ABHD17B: variants seen among roughly 807,000 people sequenced by gnomAD.
ABHD17B encodes the protein abhydrolase domain containing 17B, depalmitoylase, also known as alpha/beta hydrolase domain-containing protein 17B.
Under a neutral mutation model 26.2 loss-of-function variants are expected in ABHD17B, and 9 were observed. The ratio of observed to expected loss-of-function variants is 0.34; its 90% confidence interval spans 0.21 to 0.60. The LOEUF (loss-of-function observed/expected upper bound fraction) is 0.60, where lower values mean the gene tolerates loss of function less well. Among genes scored for constraint, ABHD17B ranks in the 20% least tolerant of loss-of-function variants. The pLI, the probability that ABHD17B is intolerant of heterozygous loss-of-function variation, is 0.80. For synonymous variants in ABHD17B, 127 were observed against 122.3 expected (o/e 1.04, Z -0.25); for missense variants, 224 against 352.1 (o/e 0.64, Z 2.91).
At chr9:71,875,251 G>A (rs538390442) in intron 1 of ABHD17B, among the ~76,000 whole-genome samples, 168 bp from the exon 2 acceptor site, 1 of 147,606 alleles carries the variant, frequency 6.8e-6, no homozygotes, top group African/African-American at 2.5e-5. Context: ...TTGAGACGGA[G>A]TTTCACTCTT....
At chr9:71,905,238 T>G (rs1827251071) in intron 1 of ABHD17B, among the ~76,000 whole-genome samples, 1 of 152,008 alleles carries the variant, frequency 6.6e-6, no homozygotes, top group Non-Finnish European at 1.5e-5. Context: ...TTCTCCTGTC[T>G]CAGCCTCCTG....
At chr9:71,895,865 A>C (rs1826937595) in intron 1 of ABHD17B, among the ~76,000 whole-genome samples, 2 of 152,170 alleles carry the variant, frequency 1.3e-5, no homozygotes, top group African/African-American at 4.8e-5. Flanking sequence ...ATGCAACAGG[A>C]CTATTTAGAG....
intron 2 of ABHD17B, among the ~76,000 whole-genome samples, chr9:71,870,706 T>C (rs1826086511): frequency 6.6e-6 from 1 of 152,198 alleles, no homozygotes; most frequent in Non-Finnish European, 1.5e-5. Flanking sequence ...ATTTCCAAAA[T>C]TGGTCATATT....
intron 1 of ABHD17B, among the ~76,000 whole-genome samples, chr9:71,878,177 G>A (rs991067844): frequency 2.0e-5 from 3 of 151,588 alleles, no homozygotes; most frequent in Non-Finnish European, 4.4e-5. Context: ...GTTAAACTTA[G>A]ATAATTTCAA....
At chr9:71,868,460 G>A (rs1033679307) in intron 3 of ABHD17B, among the ~76,000 whole-genome samples, 1 of 152,066 alleles carries the variant, frequency 6.6e-6, no homozygotes, top group Non-Finnish European at 1.5e-5. Flanking sequence ...GGAGGACACA[G>A]AAACTACACA....
intron 2 of ABHD17B, among the ~76,000 whole-genome samples, chr9:71,872,650 TAA>T (rs1826146751): frequency 6.6e-6 from 1 of 152,164 alleles, no homozygotes; most frequent in South Asian, 2.1e-4. Context: ...TATCACTCAA[TAA>T]AGCTATTTTT....
chr9:71,898,159 T>G (rs1186507942), intron 1 of ABHD17B, among the ~76,000 whole-genome samples: 2 of 152,152 alleles, frequency 1.3e-5, no homozygotes, highest in Non-Finnish European at 2.9e-5. Context: ...GTGGAGTAGA[T>G]TTTAAGCTTT....
At chr9:71,890,898 G>A (rs1826761403) in intron 1 of ABHD17B, among the ~76,000 whole-genome samples, 1 of 152,012 alleles carries the variant, frequency 6.6e-6, no homozygotes, top group Non-Finnish European at 1.5e-5. Flanking sequence ...TTATGTTCTG[G>A]GTTAGTTCAC....
In ABHD17B at chr9:71,866,174, G is replaced by C; in HGVS notation, c.*613C>G. ...AAGGTAACTCATTGGTAAATTAATA[G>C]ATGGCATAAAAATTAAGATTTACAT... On this transcript the variant is annotated 3_prime_UTR_variant, in exon 4 of 4. Transcript: ENST00000333421. 1.0e-6 allele frequency: 1 copy of C among 983,430 alleles called. No homozygotes were observed. Among genetic ancestry groups the C allele is most frequent in the Non-Finnish European group, 1.2e-6 (1 of 827,782 alleles). 60.9% of individuals were successfully genotyped at this position (983,430 alleles called of 1,614,324 possible).
At position 71,866,059 on chromosome 9, in the gene ABHD17B, A is replaced by G; in HGVS notation, c.*728T>C. ...ATCTCTAAATGCCTTTTAAGTAACC[A>G]GCATGAAAATTTTAAGTACTTGCCT... On this transcript the variant is annotated 3_prime_UTR_variant, in exon 4 of 4. Transcript: ENST00000333421. 1 of 985,522 alleles carries G rather than the reference A, an allele frequency of 1.0e-6. No homozygotes were observed. 61.0% of individuals were successfully genotyped at this position (985,522 alleles called of 1,614,324 possible). A position where few individuals can be genotyped will look rare whatever the true frequency, so the allele number is the denominator to read the frequency against.
intron 1 of ABHD17B, among the ~76,000 whole-genome samples, chr9:71,903,983 A>C (rs1193180613): frequency 6.6e-6 from 1 of 152,194 alleles, no homozygotes; most frequent in East Asian, 1.9e-4. Context: ...AAAGGTGGAG[A>C]GAGCCAGGAA....
intron 1 of ABHD17B, among the ~76,000 whole-genome samples, chr9:71,875,288 C>T (rs565611765): frequency 9.3e-5 from 14 of 150,940 alleles, no homozygotes; most frequent in South Asian, 6.3e-4. Context: ...TGCAATGGCG[C>T]AATCTCAGCT....
At chr9:71,864,364 C>T (rs563171767), downstream of ABHD17B, among the ~76,000 whole-genome samples, 172 of 151,836 alleles carry the variant, frequency 1.1e-3, no homozygotes, top group African/African-American at 3.9e-3. Context: ...GGACTACAGG[C>T]GCGTGCCACC....
At chr9:71,868,949 A>G (rs2132124334) in intron 3 of ABHD17B, among the ~76,000 whole-genome samples, 1 of 152,296 alleles carries the variant, frequency 6.6e-6, no homozygotes, top group Middle Eastern at 3.4e-3. Flanking sequence ...ACGGCCTCCA[A>G]AAGTGCTGGG....
At chr9:71,890,058 T>C (rs1826737457) in intron 1 of ABHD17B, among the ~76,000 whole-genome samples, 1 of 151,932 alleles carries the variant, frequency 6.6e-6, no homozygotes. Flanking sequence ...GTCAGGAGTT[T>C]CAAGACCAGC....
At position 71,866,009 on chromosome 9, in the gene ABHD17B, C is replaced by T. The variant is rs1825947843; in HGVS notation, c.*778G>A. On this transcript the variant is annotated 3_prime_UTR_variant, in exon 4 of 4. Coordinates refer to ENST00000333421, the MANE Select transcript of ABHD17B (RefSeq NM_001025780.3). ...CTATGAGATCAGTCAAAATTTAAAACATCGTATACAAAATCATTCTTGAAA... is the reference window on the plus strand; with the variant it reads ...CTATGAGATCAGTCAAAATTTAAAATATCGTATACAAAATCATTCTTGAAA... The T allele has an allele frequency of 1.0e-6, 1 of 985,222 alleles. No individual in the cohort carries two copies. Among genetic ancestry groups the T allele is most frequent in the African/African-American group, 1.7e-5 (1 of 57,222 alleles). 61.0% of individuals were successfully genotyped at this position (985,222 alleles called of 1,614,324 possible). A position where few individuals can be genotyped will look rare whatever the true frequency, so the allele number is the denominator to read the frequency against.
chr9:71,896,803 T>C lies in ABHD17B; in HGVS notation c.-4+13831A>G, dbSNP rs529796402. Reference sequence around the variant, plus strand: ...AAAGGGAAAATGGGATAAATGGACATAGAGAAAATTGATTAAACCCCTGTA... The same window carrying C: ...AAAGGGAAAATGGGATAAATGGACACAGAGAAAATTGATTAAACCCCTGTA... On this transcript the variant is annotated intron_variant, in intron 1 of 3. Transcript: ENST00000333421. 3.3e-5 allele frequency among the ~76,000 whole-genome samples: 5 copies of C among 152,124 alleles called. No individual in the cohort carries two copies. The East Asian group carries it at 7.7e-4, about 23-fold the overall frequency.
intron 2 of ABHD17B, among the ~76,000 whole-genome samples, chr9:71,872,873 T>C (rs1252160990): frequency 6.6e-6 from 1 of 152,120 alleles, no homozygotes; most frequent in Non-Finnish European, 1.5e-5. Context: ...CCATCTTTTT[T>C]TCCTTATTCC....
chr9:71,888,914 A>C lies in ABHD17B; in HGVS notation c.-3-13831T>G, dbSNP rs77585305. ...AAAGACAAAAACGTAAACGGTGATA[A>C]TACTACTACTGTATGCAAATAAATA... is the stretch of plus-strand genomic sequence containing the variant. On this transcript the variant is annotated intron_variant, in intron 1 of 3. Transcript: ENST00000333421. 1.8e-3 allele frequency among the ~76,000 whole-genome samples: 268 copies of C among 152,230 alleles called. 2 individuals are homozygous for C. The highest frequency in any genetic ancestry group is 6.3e-3 in the African/African-American group (262 of 41,542).
Sources: allele counts gnomAD v4.1 joint callset (sites outside exome capture counted in the v4.1 genomes callset), GRCh38; gene constraint gnomAD v4.1.1; transcripts MANE v1.5; gene names NCBI Gene and HGNC (gene_info 2026-07-23, HGNC 2026-07-21).